Variants in ATXN10 observed in about 807,000 individuals in gnomAD.
The protein encoded by ATXN10 is ataxin 10.
ATXN10 carries 28 observed loss-of-function variants against 52.9 expected under a neutral mutation model. The observed-to-expected ratio is 0.53, with a 90% confidence interval of 0.39 to 0.73. The LOEUF is 0.73. Among genes scored for constraint, ATXN10 ranks in the 30% least tolerant of loss-of-function variants. The pLI is 0.00. For synonymous variants in ATXN10, 226 were observed against 221.5 expected (o/e 1.02, Z -0.18); for missense variants, 565 against 577.0 (o/e 0.98, Z 0.21).
intron 9 of ATXN10, among the ~76,000 whole-genome samples, chr22:45,743,416 T>C (rs1416263686): frequency 6.6e-6 from 1 of 152,216 alleles, no homozygotes; most frequent in Non-Finnish European, 1.5e-5. Context: ...GTTACAGATA[T>C]TTGCCTTGCT....
rs926247095 is a variant in ATXN10 at position 45,816,920 on chromosome 22, G to A, written c.1237+9898G>A. On this transcript the variant is annotated intron_variant, in intron 10 of 11. Transcript: ENST00000252934. The surrounding 1 kb of genome is among the most constrained non-coding windows in gnomAD (Gnocchi z 5.8). ...GGTGGAGAATCTAGCGTGGTATCAG[G>A]CCTGCCAAACAGCAGCCGGAAGGAG... 6.6e-6 allele frequency among the ~76,000 whole-genome samples: 1 copy of A among 152,110 alleles called. No individual in the cohort carries two copies. Among genetic ancestry groups the A allele is most frequent in the African/African-American group, 2.4e-5 (1 of 41,422 alleles).
chr22:45,736,672 ATTC>A (rs1925309835), intron 7 of ATXN10, among the ~76,000 whole-genome samples: 1 of 152,140 alleles, frequency 6.6e-6, no homozygotes, highest in South Asian at 2.1e-4. Flanking sequence ...CACTTAACAT[ATTC>A]TTCTTTACCT....
Position 45,826,285 on chromosome 22 carries a change from T to A in ATXN10, c.1238-16706T>A, listed in dbSNP as rs561155237. 1.3e-5 allele frequency among the ~76,000 whole-genome samples: 2 copies of A among 151,990 alleles called. No homozygotes were observed. Among genetic ancestry groups the A allele is most frequent in the East Asian group, 1.9e-4 (1 of 5,170 alleles). Reference sequence around the variant, plus strand: ...AGAAAGAAAAAAGGTTGTAGAAAAGTGAACAGAGCCTAAGGGATATGTGGA... The same window carrying A: ...AGAAAGAAAAAAGGTTGTAGAAAAGAGAACAGAGCCTAAGGGATATGTGGA... On this transcript the variant is annotated intron_variant, in intron 10 of 11. Transcript: ENST00000252934. This position sits in a 1 kb window ranked among gnomAD's most constrained non-coding sequence, Gnocchi z 5.0.
chr22:45,723,091 G>T (rs1924721972), intron 6 of ATXN10, among the ~76,000 whole-genome samples: 1 of 152,064 alleles, frequency 6.6e-6, no homozygotes, highest in African/African-American at 2.4e-5. Context: ...TGGGCCACGT[G>T]GAATAGGTGG....
chr22:45,748,881 G>A (rs1925838216), intron 9 of ATXN10, among the ~76,000 whole-genome samples: 1 of 152,104 alleles, frequency 6.6e-6, no homozygotes, highest in Non-Finnish European at 1.5e-5. Context: ...CTATCTAGAG[G>A]AAACCTATCA....
rs1485287922 is a variant in ATXN10, at chr22:45,677,887, A to G, written c.116+5708A>G. The G allele has an allele frequency of 1.3e-5, 2 of 152,226 alleles. No homozygotes were observed. The highest frequency in any genetic ancestry group is 2.4e-5 in the African/African-American group (1 of 41,458). 9.4% of individuals were successfully genotyped at this position (152,226 alleles called of 1,614,324 possible). A position where few individuals can be genotyped will look rare whatever the true frequency, so the allele number is the denominator to read the frequency against. ...GGACATGTAAAGTGGTGCTGCTACTATGGAAAATAATTTGGTGGGTCCTCA... is the reference window on the plus strand; with the variant it reads ...GGACATGTAAAGTGGTGCTGCTACTGTGGAAAATAATTTGGTGGGTCCTCA... On this transcript the variant is annotated intron_variant, in intron 1 of 11. Coordinates refer to ENST00000252934, the MANE Select transcript of ATXN10 (RefSeq NM_013236.4). This position sits in a 1 kb window ranked among gnomAD's most constrained non-coding sequence, Gnocchi z 4.1.
intron 1 of ATXN10, chr22:45,676,386 A>T (rs570521284): frequency 1.3e-5 from 2 of 152,326 alleles, no homozygotes; most frequent in South Asian, 4.1e-4. Flanking sequence ...TGTGCTGTTC[A>T]TTAAGTAGCC....
intron 9 of ATXN10, among the ~76,000 whole-genome samples, chr22:45,771,211 T>A (rs1926764872): frequency 6.6e-6 from 1 of 152,218 alleles, no homozygotes; most frequent in African/African-American, 2.4e-5. Context: ...TCTTTAATGG[T>A]TAAATGCATA....
chr22:45,703,809 G>A (rs1419817791), intron 5 of ATXN10, among the ~76,000 whole-genome samples: 6 of 152,160 alleles, frequency 3.9e-5, no homozygotes, highest in Middle Eastern at 3.2e-3. Flanking sequence ...AGAGGGGCAA[G>A]GCAGAAAGCT....
chr22:45,840,224 C>T lies in ATXN10; in HGVS notation c.1238-2767C>T, dbSNP rs1273734902. 6.6e-6 allele frequency among the ~76,000 whole-genome samples: 1 copy of T among 152,064 alleles called. No individual in the cohort carries two copies. The highest frequency in any genetic ancestry group is 1.5e-5 in the Non-Finnish European group (1 of 68,028). ...TTGAACATCCACTTTGTGCTGGGAA[C>T]GAGACTCGGTGCTAGGATATCGAAG... On this transcript the variant is annotated intron_variant, in intron 10 of 11. Coordinates refer to ENST00000252934, the MANE Select transcript of ATXN10 (RefSeq NM_013236.4). The surrounding 1 kb of genome is among the most constrained non-coding windows in gnomAD (Gnocchi z 5.8).
chr22:45,798,132 C>T (rs2146875232), intron 9 of ATXN10, among the ~76,000 whole-genome samples: 1 of 152,302 alleles, frequency 6.6e-6, no homozygotes, highest in African/African-American at 2.4e-5. Flanking sequence ...CTTTCTCTTT[C>T]ATAAAATAGA....
chr22:45,750,729 G>A lies in ATXN10; in HGVS notation c.1173+10191G>A, dbSNP rs17573677. Among the ~76,000 whole-genome samples, 1 of 152,124 alleles carries A rather than the reference G, an allele frequency of 6.6e-6. No homozygotes were observed. Among genetic ancestry groups the A allele is most frequent in the African/African-American group, 2.4e-5 (1 of 41,430 alleles). On this transcript the variant is annotated intron_variant, in intron 9 of 11. Coordinates refer to ENST00000252934, the MANE Select transcript of ATXN10 (RefSeq NM_013236.4). This position sits in a 1 kb window ranked among gnomAD's most constrained non-coding sequence, Gnocchi z 4.2. Reference sequence around the variant, plus strand: ...ACAATTTACAAAAGTTTATAGGTTAGTGGAGGCAGACATAGTTTCCAAACA... The same window carrying A: ...ACAATTTACAAAAGTTTATAGGTTAATGGAGGCAGACATAGTTTCCAAACA...
At position 45,826,448 on chromosome 22, in the gene ATXN10, C is replaced by T. The variant is rs376001894; in HGVS notation, c.1238-16543C>T. ...CACGAATATATACAACCAGGAAACT[C>T]GGTGAGCTCCAAGTTAAGATGAACT... On this transcript the variant is annotated intron_variant, in intron 10 of 11. Transcript: ENST00000252934. The surrounding 1 kb of genome is among the most constrained non-coding windows in gnomAD (Gnocchi z 5.0). 9.2e-5 allele frequency among the ~76,000 whole-genome samples: 14 copies of T among 152,190 alleles called. No individual in the cohort carries two copies. In the South Asian group the frequency reaches 1.9e-3, roughly 20 times the overall value.
At chr22:45,808,624 A>G (rs1049012265) in intron 10 of ATXN10, among the ~76,000 whole-genome samples, 1 of 152,246 alleles carries the variant, frequency 6.6e-6, no homozygotes, top group Non-Finnish European at 1.5e-5. Context: ...TACTATGATT[A>G]TCATCCGTAT....
At position 45,690,075 on chromosome 22, in the gene ATXN10, C is replaced by T. The variant is rs1923311644; in HGVS notation, c.308+172C>T. Among the ~76,000 whole-genome samples, 1 of 152,026 alleles carries T rather than the reference C, an allele frequency of 6.6e-6. No individual in the cohort carries two copies. Among genetic ancestry groups the T allele is most frequent in the Non-Finnish European group, 1.5e-5 (1 of 68,006 alleles). ...ATTGCTTGAGTCCAGGAGTTCAAGA[C>T]CGGCCTGGGCAACATGGTGAGACCC... On this transcript the variant is annotated intron_variant, in intron 2 of 11. Coordinates refer to ENST00000252934, the MANE Select transcript of ATXN10 (RefSeq NM_013236.4). This position sits in a 1 kb window ranked among gnomAD's most constrained non-coding sequence, Gnocchi z 4.5.
At position 45,840,709 on chromosome 22, in the gene ATXN10, C is replaced by T. The variant is rs1929319512; in HGVS notation, c.1238-2282C>T. Among the ~76,000 whole-genome samples the T allele has an allele frequency of 6.6e-6, 1 of 152,206 alleles. No individual in the cohort carries two copies. Among genetic ancestry groups the T allele is most frequent in the Admixed American group, 6.5e-5 (1 of 15,282 alleles). On this transcript the variant is annotated intron_variant, in intron 10 of 11. Transcript: ENST00000252934. This position sits in a 1 kb window ranked among gnomAD's most constrained non-coding sequence, Gnocchi z 5.8. ...TGGCAGTGACGGTGCTGGCACCAGA[C>T]TCTTCAGTTTCTGAGCCAACCACCC...
Position 45,822,733 on chromosome 22 carries a change from G to A in ATXN10, c.1237+15711G>A, listed in dbSNP as rs1382582936. Among the ~76,000 whole-genome samples, 3 of 152,032 alleles carry A rather than the reference G, an allele frequency of 2.0e-5. No individual in the cohort carries two copies. The South Asian group carries it at 6.2e-4, about 32-fold the overall frequency. Reference sequence around the variant, plus strand: ...GATGGGGTTTCATCATGTTGGTCAGGTTGGTCTTGAACTCCTGACCTCAGG... The same window carrying A: ...GATGGGGTTTCATCATGTTGGTCAGATTGGTCTTGAACTCCTGACCTCAGG... On this transcript the variant is annotated intron_variant, in intron 10 of 11. Transcript: ENST00000252934.
chr22:45,755,430 G>C (rs2146822616), intron 9 of ATXN10, among the ~76,000 whole-genome samples: 1 of 152,292 alleles, frequency 6.6e-6, no homozygotes, highest in East Asian at 1.9e-4. Context: ...CCAAGGAGGA[G>C]CAAGAAGAGG....
rs571405611 is a variant in ATXN10 at position 45,781,198 on chromosome 22, C to T, written c.1174-25761C>T. 6.6e-6 allele frequency among the ~76,000 whole-genome samples: 1 copy of T among 152,310 alleles called. No homozygotes were observed. The highest frequency in any genetic ancestry group is 1.9e-4 in the East Asian group (1 of 5,194). ...AATGGGGAGCCGAAACAGAAACCTTCCCCTGGTTATAATGAGGCACCCCTC... is the reference window on the plus strand; with the variant it reads ...AATGGGGAGCCGAAACAGAAACCTTTCCCTGGTTATAATGAGGCACCCCTC... On this transcript the variant is annotated intron_variant, in intron 9 of 11. Transcript: ENST00000252934. The surrounding 1 kb of genome is among the most constrained non-coding windows in gnomAD (Gnocchi z 4.2).
Sources: gnomAD v4.1 joint callset for allele counts (sites outside exome capture counted in the v4.1 genomes callset) on GRCh38, gnomAD v4.1.1 for gene constraint, Gnocchi (gnomAD v3.1) non-coding constraint, MANE v1.5 for transcripts, NCBI Gene and HGNC (gene_info 2026-07-23, HGNC 2026-07-21) for gene names.